The following CSMD1 variants were observed in gnomAD, a reference collection of about 807,000 sequenced individuals.
CSMD1 encodes CUB and sushi domain-containing protein 1.
Under a neutral mutation model 417.5 loss-of-function variants are expected in CSMD1, and 213 were observed. The observed-to-expected ratio is 0.51, with a 90% confidence interval of 0.46 to 0.57. The LOEUF (loss-of-function observed/expected upper bound fraction) is 0.57. Ranked by LOEUF, CSMD1 falls within the 20% of genes least tolerant of loss-of-function variation. The probability of loss-of-function intolerance (pLI) is 0.00; values close to 1 mark genes in which losing one functional copy is unlikely to be tolerated. For missense variants in CSMD1, 6,923 were observed against 4,529.7 expected, an observed-to-expected ratio of 1.53 and a Z score of -15.17; for synonymous variants, 2,862 against 1,736.8, an observed-to-expected ratio of 1.65 and a Z score of -16.11.
At chr8:3,883,047 C>G (rs922385477) in intron 5 of CSMD1, among the ~76,000 whole-genome samples, 3 of 152,160 alleles carry the variant, frequency 2.0e-5, no homozygotes, top group African/African-American at 7.2e-5. Flanking sequence ...CTGAACATAT[C>G]TAAGAGCCAC....
At chr8:3,612,372 A>C (rs185773397) in intron 8 of CSMD1, among the ~76,000 whole-genome samples, 188 of 151,944 alleles carry the variant, frequency 1.2e-3, no homozygotes, top group African/African-American at 4.3e-3. Flanking sequence ...ATTTAGATAA[A>C]TCTCTCTCAA....
At chr8:3,914,738 T>C (rs186665869) in intron 5 of CSMD1, among the ~76,000 whole-genome samples, 50 of 152,248 alleles carry the variant, frequency 3.3e-4, no homozygotes, top group African/African-American at 1.1e-3. Context: ...TTTCAGATCC[T>C]TTGACATGTA....
At chr8:3,934,707 T>C (rs1001511846) in intron 5 of CSMD1, among the ~76,000 whole-genome samples, 6 of 151,880 alleles carry the variant, frequency 4.0e-5, no homozygotes, top group Admixed American at 3.9e-4. Flanking sequence ...TGCAAAAATT[T>C]AGCCGGGCAT....
At chr8:4,074,306 A>G (rs148698908) in intron 3 of CSMD1, among the ~76,000 whole-genome samples, 154 of 152,244 alleles carry the variant, frequency 1.0e-3, no homozygotes, top group African/African-American at 3.5e-3. Context: ...ATGAAAGAAA[A>G]TAAAAACTAT....
intron 7 of CSMD1, among the ~76,000 whole-genome samples, chr8:3,658,035 G>A (rs73661610): frequency 3.3e-5 from 5 of 152,064 alleles, no homozygotes; most frequent in African/African-American, 1.2e-4. Flanking sequence ...TTCTCGTCTT[G>A]AAATACTCAG....
rs1280392178 is a variant in CSMD1, at chr8:2,999,217, C to T, written c.8203+741G>A. Among the ~76,000 whole-genome samples, 8 of 146,916 alleles carry T rather than the reference C, an allele frequency of 5.4e-5. No homozygotes were observed. The South Asian group carries it at 6.4e-4, about 12-fold the overall frequency. On this transcript the variant is annotated intron_variant, in intron 53 of 69. Transcript: ENST00000635120. ...TCACCCAGGCTGGGGTGCAGCGGCA[C>T]GATCTCTGCTCACTGCAACCTCCAT...
chr8:4,878,227 A>G (rs745382699), intron 1 of CSMD1, among the ~76,000 whole-genome samples: 21 of 152,074 alleles, frequency 1.4e-4, no homozygotes, highest in Admixed American at 3.3e-4. Flanking sequence ...TGAGAAAAGA[A>G]AAGAAAGGGT....
chr8:4,065,115 A>G (rs866094560), intron 3 of CSMD1, among the ~76,000 whole-genome samples: 1 of 152,228 alleles, frequency 6.6e-6, no homozygotes, highest in Non-Finnish European at 1.5e-5. Context: ...GTCATTTTCT[A>G]GTTTATGTTT....
chr8:3,941,976 G>A (rs1429421997), intron 5 of CSMD1, among the ~76,000 whole-genome samples: 1 of 151,986 alleles, frequency 6.6e-6, no homozygotes, highest in African/African-American at 2.4e-5. Context: ...CCCCATTGCT[G>A]GCATTACCAC....
intron 7 of CSMD1, among the ~76,000 whole-genome samples, chr8:3,684,907 T>C (rs1220381899): frequency 6.6e-6 from 1 of 152,182 alleles, no homozygotes; most frequent in Non-Finnish European, 1.5e-5. Context: ...CTGAAATTTG[T>C]AATGATGCCG....
chr8:4,235,199 C>G (rs1801972372), intron 3 of CSMD1, among the ~76,000 whole-genome samples: 1 of 152,176 alleles, frequency 6.6e-6, no homozygotes, highest in Admixed American at 6.5e-5. Context: ...CCTGTCCAAA[C>G]TCAAGAATGG....
rs1279373731 is a variant in CSMD1, at chr8:3,962,298, C to G, written c.818+35605G>C. Among the ~76,000 whole-genome samples, 4 of 143,238 alleles carry G rather than the reference C, an allele frequency of 2.8e-5. No homozygotes were observed. The Admixed American group carries it at 2.9e-4, about 10-fold the overall frequency. The allele number at this position is 143,238 out of a possible 152,430, so 94.0% of individuals were successfully genotyped here. On this transcript the variant is annotated intron_variant, in intron 5 of 69. Transcript: ENST00000635120. ...TCCTGGAACTGCCCTACACATTCAA[C>G]TTGGGATTTGGTTCCAGCAGTGACA... is the stretch of plus-strand genomic sequence containing the variant.
At chr8:3,053,080 C>A (rs745995745) in intron 49 of CSMD1, among the ~76,000 whole-genome samples, 4 of 152,184 alleles carry the variant, frequency 2.6e-5, no homozygotes, top group African/African-American at 9.7e-5. Context: ...CCATGCCCAG[C>A]ATGAATTCTA....
chr8:4,306,558 A>G (rs1798260029), intron 3 of CSMD1, among the ~76,000 whole-genome samples: 1 of 152,150 alleles, frequency 6.6e-6, no homozygotes, highest in South Asian at 2.1e-4. Flanking sequence ...CTTATGCAAA[A>G]AAACAGCTCC....
At chr8:3,912,348 C>T (rs1026587281) in intron 5 of CSMD1, among the ~76,000 whole-genome samples, 3 of 152,088 alleles carry the variant, frequency 2.0e-5, no homozygotes, top group African/African-American at 7.2e-5. Flanking sequence ...TCAGTCAAAA[C>T]ATGTATTTAG....
In CSMD1 at chr8:3,267,048, G is replaced by T. The variant is rs149298348; in HGVS notation, c.4153+17096C>A. Among the ~76,000 whole-genome samples, 164 of 152,296 alleles carry T rather than the reference G, an allele frequency of 1.1e-3. No homozygotes were observed. The South Asian group carries it at 0.012, about 12-fold the overall frequency. ...TATTATTTTTAAATGTCAGAGACTT[G>T]AGCATATTTACATACAAGAAGCAAG... On this transcript the variant is annotated intron_variant, in intron 26 of 69. Coordinates refer to ENST00000635120, the MANE Select transcript of CSMD1 (RefSeq NM_033225.6).
At chr8:3,328,293 C>T (rs548001422) in intron 23 of CSMD1, among the ~76,000 whole-genome samples, 32 of 152,258 alleles carry the variant, frequency 2.1e-4, no homozygotes, top group African/African-American at 7.0e-4. Context: ...TCCACATTGG[C>T]GCTTCTCACT....
At chr8:3,487,461 C>A (rs530264431) in intron 11 of CSMD1, among the ~76,000 whole-genome samples, 13 of 152,204 alleles carry the variant, frequency 8.5e-5, no homozygotes, top group East Asian at 5.8e-4. Context: ...TCGGCCTCCC[C>A]AAGTGTTGGG....
intron 7 of CSMD1, among the ~76,000 whole-genome samples, chr8:3,694,848 A>G (rs1178206067): frequency 6.6e-6 from 1 of 152,046 alleles, no homozygotes; most frequent in East Asian, 1.9e-4. Flanking sequence ...GACATGAAGC[A>G]ATACCGGATC....
Sources: gnomAD v4.1 joint callset for allele counts (sites outside exome capture counted in the v4.1 genomes callset) on GRCh38, gnomAD v4.1.1 for gene constraint, MANE v1.5 for transcripts, NCBI Gene and HGNC (gene_info 2026-07-23, HGNC 2026-07-21) for gene names.